Variants in CSMD1 observed in about 807,000 individuals in gnomAD.
The protein encoded by CSMD1 is CUB and sushi domain-containing protein 1.
In CSMD1, 213 loss-of-function variants were observed where a neutral mutation model predicts 417.5. The ratio of observed to expected loss-of-function variants is 0.51; its 90% CI spans 0.46 to 0.57. CSMD1 has a LOEUF of 0.57. Among genes scored for constraint, CSMD1 ranks in the 20% least tolerant of loss-of-function variants. The pLI is 0.00. For synonymous variants in CSMD1, 2,862 were observed against 1,736.8 expected (o/e 1.65, Z -16.11); for missense variants, 6,923 against 4,529.7 (o/e 1.53, Z -15.17).
intron 5 of CSMD1, among the ~76,000 whole-genome samples, chr8:3,935,189 C>T (rs1025965361): frequency 1.3e-5 from 2 of 152,128 alleles, no homozygotes; most frequent in Admixed American, 6.5e-5. Context: ...CAAGAAAGTT[C>T]TTACTAATAA....
At chr8:4,758,921 T>C (rs1468499967) in intron 1 of CSMD1, among the ~76,000 whole-genome samples, 1 of 152,092 alleles carries the variant, frequency 6.6e-6, no homozygotes, top group Admixed American at 6.6e-5. Flanking sequence ...TGGTGAGGGA[T>C]GAGGGGGATT....
At chr8:3,785,724 C>T (rs1336657128) in intron 5 of CSMD1, among the ~76,000 whole-genome samples, 1 of 152,044 alleles carries the variant, frequency 6.6e-6, no homozygotes, top group Non-Finnish European at 1.5e-5. Flanking sequence ...AAGTGAGAGG[C>T]CCAGGGTGCG....
chr8:3,288,067 G>C (rs919718833), intron 25 of CSMD1, among the ~76,000 whole-genome samples: 9 of 147,432 alleles, frequency 6.1e-5, no homozygotes, highest in Admixed American at 2.0e-4. Context: ...TAATCATGTG[G>C]TTTTTGTCTT....
At chr8:3,748,946 T>A (rs964172948) in intron 6 of CSMD1, among the ~76,000 whole-genome samples, 1 of 152,202 alleles carries the variant, frequency 6.6e-6, no homozygotes, top group African/African-American at 2.4e-5. Context: ...TACAAACACT[T>A]ACTTTCATGA....
intron 3 of CSMD1, among the ~76,000 whole-genome samples, chr8:4,068,490 T>A (rs929077276): frequency 3.3e-5 from 5 of 152,192 alleles, no homozygotes; most frequent in African/African-American, 1.2e-4. Flanking sequence ...CATAGCATCA[T>A]TACAGAAACA....
At chr8:3,192,583 T>C (rs1247880121) in intron 33 of CSMD1, among the ~76,000 whole-genome samples, 2 of 152,194 alleles carry the variant, frequency 1.3e-5, no homozygotes, top group Non-Finnish European at 1.5e-5. Flanking sequence ...TTATGTAGCC[T>C]GGAGAGAGGC....
At chr8:4,115,535 T>C (rs1263719773) in intron 3 of CSMD1, among the ~76,000 whole-genome samples, 2 of 152,238 alleles carry the variant, frequency 1.3e-5, no homozygotes, top group Non-Finnish European at 2.9e-5. Context: ...TCTTTCACTT[T>C]TGTCAGCTAA....
intron 3 of CSMD1, among the ~76,000 whole-genome samples, chr8:4,403,834 T>C (rs13275996): frequency 0.029 from 4,381 of 152,238 alleles, 83 homozygotes; most frequent in Middle Eastern, 0.061. Context: ...CATCTGCCAT[T>C]GGGTGTCTGA....
chr8:4,286,622 A>C (rs985031923), intron 3 of CSMD1, among the ~76,000 whole-genome samples: 4 of 152,234 alleles, frequency 2.6e-5, no homozygotes, highest in East Asian at 3.9e-4. Context: ...ACACCACTTG[A>C]CCTCGAAGAA....
At chr8:3,216,181 G>T (rs1585682141) in intron 29 of CSMD1, among the ~76,000 whole-genome samples, 1 of 151,738 alleles carries the variant, frequency 6.6e-6, no homozygotes. Flanking sequence ...AAAGCTGTTT[G>T]GATGTTTAAA....
intron 3 of CSMD1, among the ~76,000 whole-genome samples, chr8:4,060,287 C>T (rs531148149): frequency 2.6e-5 from 4 of 152,228 alleles, no homozygotes; most frequent in South Asian, 4.1e-4. Flanking sequence ...ATTGATGGGA[C>T]GTATCTCAGA....
chr8:3,757,511 C>A (rs1385990843), intron 5 of CSMD1, among the ~76,000 whole-genome samples: 1 of 152,118 alleles, frequency 6.6e-6, no homozygotes, highest in East Asian at 1.9e-4. Flanking sequence ...AGCTGATGGG[C>A]CAGATTTGGC....
intron 3 of CSMD1, among the ~76,000 whole-genome samples, chr8:4,223,414 T>G (rs1438617534): frequency 6.6e-6 from 1 of 152,230 alleles, no homozygotes. Context: ...GGAAAGGGCG[T>G]CATCGCCAGG....
intron 5 of CSMD1, among the ~76,000 whole-genome samples, chr8:3,970,990 A>AT (rs1228814030): frequency 2.0e-5 from 3 of 152,090 alleles, no homozygotes; most frequent in Admixed American, 6.6e-5. Context: ...ACCTCAGGTG[A>AT]TCCCCCCGCC....
intron 6 of CSMD1, among the ~76,000 whole-genome samples, chr8:3,713,187 A>T (rs567972909): frequency 6.6e-5 from 10 of 152,294 alleles, no homozygotes; most frequent in Non-Finnish European, 1.5e-4. Context: ...TACCTAAGGG[A>T]TACATTAATT....
intron 3 of CSMD1, among the ~76,000 whole-genome samples, chr8:4,119,338 C>T (rs999129103): frequency 3.3e-5 from 5 of 152,272 alleles, no homozygotes; most frequent in African/African-American, 1.2e-4. Context: ...TTGGTACATC[C>T]ACAGCAGGGA....
intron 3 of CSMD1, among the ~76,000 whole-genome samples, chr8:4,315,711 G>C (rs951864727): frequency 2.0e-5 from 3 of 152,114 alleles, no homozygotes; most frequent in Non-Finnish European, 4.4e-5. Context: ...CATATTTGTA[G>C]GTATAGATTG....
intron 17 of CSMD1, among the ~76,000 whole-genome samples, chr8:3,393,048 A>G (rs1811441426): frequency 6.6e-6 from 1 of 152,194 alleles, no homozygotes; most frequent in African/African-American, 2.4e-5. Context: ...GTACATTTCC[A>G]TATGTCTCTT....
chr8:4,890,928 C>G (rs1023488658), intron 1 of CSMD1, among the ~76,000 whole-genome samples: 1 of 152,002 alleles, frequency 6.6e-6, no homozygotes, highest in African/African-American at 2.4e-5. Context: ...CCTGGGGAAA[C>G]GCAAAGGCAG....
Sources: gnomAD v4.1 joint callset for allele counts (sites outside exome capture counted in the v4.1 genomes callset) on GRCh38, gnomAD v4.1.1 for gene constraint, MANE v1.5 for transcripts, NCBI Gene and HGNC (gene_info 2026-07-23, HGNC 2026-07-21) for gene names.